SQSTM1: variants seen among roughly 807,000 people sequenced by gnomAD.
The protein encoded by SQSTM1 is sequestosome 1.
In SQSTM1, 36 loss-of-function variants were observed where a neutral mutation model predicts 45.1. The ratio of observed to expected loss-of-function variants is 0.80; its 90% CI spans 0.61 to 1.05. The LOEUF (loss-of-function observed/expected upper bound fraction) is 1.05. SQSTM1 is among the 50% of genes least tolerant of loss of function. SQSTM1 has a pLI of 0.00. For synonymous variants in SQSTM1, 290 were observed against 244.3 expected (o/e 1.19, Z -1.74); for missense variants, 617 against 607.1 (o/e 1.02, Z -0.17).
chr5:179,821,034 C>T lies in SQSTM1; in HGVS notation c.98C>T (p.Ala33Val), dbSNP rs200396166. 1.1e-3 allele frequency: 1,729 copies of T among 1,554,964 alleles called. 2 individuals carry two copies. Among genetic ancestry groups the T allele is most frequent in the Middle Eastern group, 2.3e-3 (13 of 5,718 alleles). Reference protein sequence around the residue: ...FSFCCSPEPEAEAEAAAGPGP... With the variant: ...FSFCCSPEPEVEAEAAAGPGP... The stretch of plus-strand genomic sequence containing the variant: ...TTCTGCTGCAGCCCCGAGCCTGAGG[C>T]GGAAGCCGAGGCTGCGGCGGGTCCG... Residue 33 changes from alanine to valine, a missense_variant, in exon 1 of 8, where the codon GCG becomes GTG. By Grantham distance (64) the Ala-to-Val change is moderately conservative. Coordinates refer to ENST00000389805, the MANE Select transcript of SQSTM1 (RefSeq NM_003900.5).
chr5:179,831,628 C>T (rs552475187), intron 5 of SQSTM1, among the ~76,000 whole-genome samples: 20 of 152,128 alleles, frequency 1.3e-4, no homozygotes, highest in East Asian at 1.2e-3. Context: ...TGCGGCACTG[C>T]GCTCCAGCCT....
In SQSTM1 at chr5:179,823,995, GACT is replaced by G; in HGVS notation, c.442_444del (p.Tyr148del). The G allele has an allele frequency of 1.2e-6, 2 of 1,614,066 alleles. No individual in the cohort carries two copies. Among genetic ancestry groups the G allele is most frequent in the Non-Finnish European group, 1.7e-6 (2 of 1,180,040 alleles). On this transcript the variant is annotated inframe_deletion, in exon 3 of 8. Transcript: ENST00000389805. ...CCGCTACAAGTGCAGCGTCTGCCCA[GACT>G]ACGACTTGTGTAGCGTCTGCGAGGG...
At position 179,836,842 on chromosome 5, in the gene SQSTM1, T is replaced by C. The variant is rs543706405; in HGVS notation, c.*249T>C. 8 of 653,960 alleles carry C rather than the reference T, an allele frequency of 1.2e-5. No homozygotes were observed. The South Asian group carries it at 1.3e-4, about 10-fold the overall frequency. 40.5% of individuals were successfully genotyped at this position (653,960 alleles called of 1,614,324 possible). ...GGGCTGGGCCTGCGAGACCCAAGGCTCACTGCAGCGCGCTCCTGACCCCTC... is the reference window on the plus strand; with the variant it reads ...GGGCTGGGCCTGCGAGACCCAAGGCCCACTGCAGCGCGCTCCTGACCCCTC... On this transcript the variant is annotated 3_prime_UTR_variant, in exon 8 of 8. Coordinates refer to ENST00000389805, the MANE Select transcript of SQSTM1 (RefSeq NM_003900.5).
upstream of SQSTM1, among the ~76,000 whole-genome samples, chr5:179,817,684 CTGGGCTT>C (rs1309402183): frequency 6.6e-6 from 1 of 152,190 alleles, no homozygotes; most frequent in African/African-American, 2.4e-5. Flanking sequence ...TGCCTCTTGC[CTGGGCTT>C]TGGGCTTGTC....
In SQSTM1 at chr5:179,820,929, C is replaced by A. The variant is rs762876294; in HGVS notation, c.-8C>A. On this transcript the variant is annotated 5_prime_UTR_variant, in exon 1 of 8. Coordinates refer to ENST00000389805, the MANE Select transcript of SQSTM1 (RefSeq NM_003900.5). ...GACGGCCCGTTTTCCGCCAGCTCGC[C>A]GCTCGCTATGGCGTCGCTCACCGTG... 5.9e-6 allele frequency: 9 copies of A among 1,531,096 alleles called. No individual in the cohort carries two copies. In the East Asian group the frequency reaches 2.3e-4, roughly 40 times the overall value. The allele number at this position is 1,531,096 out of a possible 1,614,324, so 94.8% of individuals were successfully genotyped here. A position where few individuals can be genotyped will look rare whatever the true frequency, so the allele number is the denominator to read the frequency against.
upstream of SQSTM1, among the ~76,000 whole-genome samples, chr5:179,818,460 C>A (rs1757649723): frequency 6.6e-6 from 1 of 152,214 alleles, no homozygotes; most frequent in African/African-American, 2.4e-5. Flanking sequence ...AAGAAGCGAA[C>A]CTGGGAACAC....
Position 179,832,959 on chromosome 5 carries a change from C to A in SQSTM1, c.755-73C>A, listed in dbSNP as rs143939960. 2.7e-4 allele frequency: 402 copies of A among 1,497,882 alleles called. 1 individual carries two copies. The African/African-American group carries it at 5.2e-3, about 19-fold the overall frequency. The allele number at this position is 1,497,882 out of a possible 1,614,324, so 92.8% of individuals were successfully genotyped here. ...GATCTTCGTGAGTCTGTAGTCTCCA[C>A]AGGCCAAGCTCCTGCTTGCAGGTGC... On this transcript the variant is annotated intron_variant, in intron 5 of 7. Transcript: ENST00000389805.
chr5:179,806,955 C>G lies in SQSTM1; in HGVS notation c.-157+364C>G, dbSNP rs1370488912. The G allele has an allele frequency of 6.6e-6, 1 of 150,918 alleles. No individual in the cohort carries two copies. The highest frequency in any genetic ancestry group is 2.0e-4 in the East Asian group (1 of 5,124). The allele number at this position is 150,918 out of a possible 1,614,324, so 9.3% of individuals were successfully genotyped here. On this transcript the variant is annotated intron_variant, in intron 1 of 5. Coordinates refer to the SQSTM1 transcript ENST00000514093. This position sits in a 1 kb window ranked among gnomAD's most constrained non-coding sequence, Gnocchi z 4.6. ...CCGCGGCCCGGCCTGGATCTGGGGC[C>G]TGGATCTGGGGCCGCCGCGGAGTCG...
At chr5:179,834,784 A>G (rs1582025072) in intron 7 of SQSTM1, among the ~76,000 whole-genome samples, 2 of 152,226 alleles carry the variant, frequency 1.3e-5, no homozygotes, top group African/African-American at 2.4e-5. Context: ...ACAAAATGAA[A>G]AGTCTCCCAT....
upstream of SQSTM1, among the ~76,000 whole-genome samples, chr5:179,819,188 T>C (rs1352115764): frequency 6.6e-6 from 1 of 152,126 alleles, no homozygotes; most frequent in Admixed American, 6.5e-5. Flanking sequence ...CGCGCCTTGT[T>C]TACCTCCGGG....
At chr5:179,822,108 C>T (rs934687437) in intron 1 of SQSTM1, among the ~76,000 whole-genome samples, 7 of 152,174 alleles carry the variant, frequency 4.6e-5, no homozygotes, top group South Asian at 2.1e-4. Flanking sequence ...CTTTTATCAC[C>T]CTCTTATCCA....
chr5:179,828,045 G>A (rs545909782), intron 5 of SQSTM1, among the ~76,000 whole-genome samples: 3 of 152,308 alleles, frequency 2.0e-5, no homozygotes, highest in African/African-American at 7.2e-5. Context: ...TGGGATCTTT[G>A]ATAAACCGAC....
In SQSTM1 at chr5:179,833,704, GGGC is replaced by G; in HGVS notation, c.1088_1090del (p.Gly363_Pro364delinsAla). On this transcript the variant is annotated inframe_deletion, in exon 7 of 8. Transcript: ENST00000389805. ...GTCCCTACAGATGCCAGAATCCGAAGGGCCAAGCTCTCTGGACCCCTCCCAGGA... is the reference window on the plus strand; with the variant it reads ...GTCCCTACAGATGCCAGAATCCGAAGCAAGCTCTCTGGACCCCTCCCAGGA... The G allele has an allele frequency of 6.2e-7, 1 of 1,614,164 alleles. No individual in the cohort carries two copies. The highest frequency in any genetic ancestry group is 8.5e-7 in the Non-Finnish European group (1 of 1,180,028).
chr5:179,806,444 GC>G lies in SQSTM1; in HGVS notation c.-301del. ...CGCCGGGCCCGCTCCCGCCGCCGAC[GC>G]CCAGGTGCGCCAGGTGCGGGCCGGG... On this transcript the variant is annotated 5_prime_UTR_variant, in exon 1 of 6. Coordinates refer to the SQSTM1 transcript ENST00000514093. This position sits in a 1 kb window ranked among gnomAD's most constrained non-coding sequence, Gnocchi z 4.6. 8.5e-7 allele frequency: 1 copy of G among 1,170,370 alleles called. No homozygotes were observed. The highest frequency in any genetic ancestry group is 2.4e-5 in the South Asian group (1 of 42,040). The allele number at this position is 1,170,370 out of a possible 1,614,324, so 72.5% of individuals were successfully genotyped here. A position where few individuals can be genotyped will look rare whatever the true frequency, so the allele number is the denominator to read the frequency against.
chr5:179,837,671 T>G lies in SQSTM1; in HGVS notation c.*1078T>G. The stretch of plus-strand genomic sequence containing the variant: ...TGGACCAGCTGGCCTGGGGTCCCTC[T>G]GAAGAGACCTTGGCTGCTCACTGTC... On this transcript the variant is annotated 3_prime_UTR_variant, in exon 8 of 8. Coordinates refer to ENST00000389805, the MANE Select transcript of SQSTM1 (RefSeq NM_003900.5). The G allele has an allele frequency of 6.2e-7, 1 of 1,614,232 alleles. No individual in the cohort carries two copies. The highest frequency in any genetic ancestry group is 8.5e-7 in the Non-Finnish European group (1 of 1,180,040).
intron 2 of SQSTM1, chr5:179,813,045 T>C (rs1757478276): frequency 7.5e-6 from 1 of 132,640 alleles, no homozygotes; most frequent in Admixed American, 8.2e-5. Context: ...TAACCAGGGG[T>C]CCTTCATCTT....
At chr5:179,833,445 G>GC in intron 6 of SQSTM1, 142 bp from the exon 7 acceptor site, 2 of 1,012,354 alleles carry the variant, frequency 2.0e-6, no homozygotes, top group Middle Eastern at 4.6e-4. Context: ...TTTGTGAGTG[G>GC]CCACTGTTCC....
Position 179,833,721 on chromosome 5 carries a change from C to A in SQSTM1, c.1104C>A (p.Asp368Glu). ...AATCCGAAGGGCCAAGCTCTCTGGA[C>A]CCCTCCCAGGAGGGACCCACAGGGC... ...MPESEGPSSL[D>E]PSQEGPTGLK... Residue 368 changes from aspartate (D) to glutamate (E), a missense_variant, in exon 7 of 8, where the codon GAC (aspartate) becomes GAA (glutamate). Transcript: ENST00000389805. 6.2e-7 allele frequency: 1 copy of A among 1,614,134 alleles called. No homozygotes were observed. Among genetic ancestry groups the A allele is most frequent in the East Asian group, 2.2e-5 (1 of 44,864 alleles).
In SQSTM1 at chr5:179,833,182, G is replaced by A. The variant is rs769482708; in HGVS notation, c.905G>A (p.Gly302Asp). 1.2e-6 allele frequency: 2 copies of A among 1,613,776 alleles called. No individual in the cohort carries two copies. The highest frequency in any genetic ancestry group is 1.7e-6 in the Non-Finnish European group (2 of 1,179,876). The change falls in exon 6 of 8, where the codon GGC (glycine) becomes GAC (aspartate). Residue 302 changes from glycine to aspartate, a missense_variant. Gly to Asp is a moderately conservative substitution (Grantham distance 94). Transcript: ENST00000389805. ...AGCAAGCCGGGTGGGAATGTTGAGG[G>A]CGCCACGCAGTCTCTGGCGGAGCAG... ...DPSKPGGNVE[G>D]ATQSLAEQMR...
Sources: allele counts gnomAD v4.1 joint callset (sites outside exome capture counted in the v4.1 genomes callset), GRCh38; gene constraint gnomAD v4.1.1; non-coding constraint Gnocchi (gnomAD v3.1); transcripts MANE v1.5; gene names NCBI Gene and HGNC (gene_info 2026-07-23, HGNC 2026-07-21).